Variants in NOSTRIN observed in about 807,000 individuals in gnomAD.
The protein encoded by NOSTRIN is BM247 homolog.
NOSTRIN carries 63 observed loss-of-function variants against 59.0 expected under a neutral mutation model. The ratio of observed to expected loss-of-function variants is 1.07; its 90% CI spans 0.87 to 1.32. NOSTRIN has a LOEUF of 1.32. Among genes scored for constraint, NOSTRIN ranks in the 40% most tolerant of loss-of-function variants. The pLI is 0.00. For missense variants in NOSTRIN, 512 were observed against 473.1 expected, an observed-to-expected ratio of 1.08 and a Z score of -0.76; for synonymous variants, 200 against 165.4, an observed-to-expected ratio of 1.21 and a Z score of -1.61.
At chr2:168,824,606 T>C (rs201961674) in intron 2 of NOSTRIN, 28 bp from the exon 3 acceptor site, 10 of 869,038 alleles carry the variant, frequency 1.2e-5, no homozygotes, top group Non-Finnish European at 1.8e-5. Context: ...GCCCAGTACA[T>C]CCTATTTAAC....
chr2:168,834,431 A>G, intron 7 of NOSTRIN, 106 bp downstream of exon 7: 4 of 646,524 alleles, frequency 6.2e-6, no homozygotes, highest in Non-Finnish European at 1.1e-5. Flanking sequence ...TCTCTGTGGG[A>G]TTCCTGCAGA....
At chr2:168,806,015 C>T (rs1300833505) in intron 1 of NOSTRIN, among the ~76,000 whole-genome samples, 1 of 152,122 alleles carries the variant, frequency 6.6e-6, no homozygotes, top group Non-Finnish European at 1.5e-5. Flanking sequence ...GTAGACTATG[C>T]TCTTTAATGT....
At chr2:168,801,189 C>T (rs889006352), upstream of NOSTRIN, 4 of 151,594 alleles carry the variant, frequency 2.6e-5, no homozygotes, top group East Asian at 3.9e-4. Flanking sequence ...CCCTCCTCTC[C>T]ACTCTTGTTG....
At chr2:168,859,805 A>G (rs1689332742) in intron 13 of NOSTRIN, among the ~76,000 whole-genome samples, 168 bp downstream of exon 13, 1 of 152,248 alleles carries the variant, frequency 6.6e-6, no homozygotes, top group African/African-American at 2.4e-5. Context: ...CACAATAACA[A>G]GAGCTAGACA....
At chr2:168,832,276 T>C (rs973540149) in intron 6 of NOSTRIN, among the ~76,000 whole-genome samples, 19 of 152,184 alleles carry the variant, frequency 1.2e-4, no homozygotes, top group Admixed American at 1.2e-3. Flanking sequence ...AGAGCATATC[T>C]GTATGAGTTC....
chr2:168,842,514 C>T (rs1370036409), intron 7 of NOSTRIN, among the ~76,000 whole-genome samples: 2 of 152,154 alleles, frequency 1.3e-5, no homozygotes, highest in African/African-American at 2.4e-5. Flanking sequence ...AATAATATCG[C>T]TAGATAGGAC....
At chr2:168,856,582 A>AAG in intron 11 of NOSTRIN, 108 bp from the exon 12 acceptor site, 1 of 966,530 alleles carries the variant, frequency 1.0e-6, no homozygotes, top group East Asian at 2.5e-5. Context: ...CTTAAAAAAA[A>AAG]AAATCTCACT....
chr2:168,851,250 A>T, intron 9 of NOSTRIN, 29 bp from the exon 10 acceptor site: 1 of 1,613,996 alleles, frequency 6.2e-7, no homozygotes, highest in East Asian at 2.2e-5. Flanking sequence ...TTCTTCGACA[A>T]CCTTATTCTG....
chr2:168,810,408 C>T (rs755211949), intron 1 of NOSTRIN, among the ~76,000 whole-genome samples: 1 of 152,180 alleles, frequency 6.6e-6, no homozygotes, highest in Non-Finnish European at 1.5e-5. Context: ...GGTCTTTCCT[C>T]CTCTGTCACC....
chr2:168,808,466 T>A (rs1433329459), intron 1 of NOSTRIN, among the ~76,000 whole-genome samples: 1 of 152,210 alleles, frequency 6.6e-6, no homozygotes, highest in African/African-American at 2.4e-5. Context: ...AGCTTTATAG[T>A]GTGTTTGAGA....
chr2:168,808,174 C>T (rs1685957512), intron 1 of NOSTRIN, among the ~76,000 whole-genome samples: 1 of 152,184 alleles, frequency 6.6e-6, no homozygotes, highest in Non-Finnish European at 1.5e-5. Context: ...AAATTCTCAA[C>T]TGGTTCTACT....
At chr2:168,814,905 C>T (rs567772218) in intron 2 of NOSTRIN, among the ~76,000 whole-genome samples, 24 of 152,278 alleles carry the variant, frequency 1.6e-4, no homozygotes, top group Middle Eastern at 3.4e-3. Context: ...TCTCTATTTT[C>T]ATAAACAAAT....
chr2:168,856,756 A>T lies in NOSTRIN; in HGVS notation c.1031A>T (p.Asp344Val), dbSNP rs750994789. 1.2e-6 allele frequency: 2 copies of T among 1,614,160 alleles called. No homozygotes were observed. The highest frequency in any genetic ancestry group is 1.7e-6 in the Non-Finnish European group (2 of 1,179,982). Residue 344 changes from aspartate (D) to valine (V), a missense_variant, in exon 12 of 16, where the codon GAC (aspartate) becomes GTC (valine). Transcript: ENST00000317647. ...SSFSDAKSQK[D>V]TAALMDENNL... is the part of the protein sequence containing the mutation. ...TTCTCTGATGCAAAGAGCCAGAAAGACACAGCAGCGTTAATGGATGAGGTA... is the reference window on the plus strand; with the variant it reads ...TTCTCTGATGCAAAGAGCCAGAAAGTCACAGCAGCGTTAATGGATGAGGTA...
At chr2:168,840,452 C>A (rs1688010762) in intron 7 of NOSTRIN, among the ~76,000 whole-genome samples, 1 of 146,518 alleles carries the variant, frequency 6.8e-6, no homozygotes, top group African/African-American at 2.5e-5. Flanking sequence ...ATGGCGTGAA[C>A]CCCGGAGGCG....
chr2:168,798,646 C>T (rs762857614), upstream of NOSTRIN, among the ~76,000 whole-genome samples: 7 of 152,200 alleles, frequency 4.6e-5, no homozygotes, highest in African/African-American at 1.2e-4. Flanking sequence ...TAAATCTAAC[C>T]GGAAGCCAGG....
Position 168,790,807 on chromosome 2 carries a change from G to T in NOSTRIN, c.-473+2759G>T, listed in dbSNP as rs138245800. Among the ~76,000 whole-genome samples, 276 of 152,226 alleles carry T rather than the reference G, an allele frequency of 1.8e-3. 1 individual carries two copies. The highest frequency in any genetic ancestry group is 6.5e-3 in the African/African-American group (269 of 41,542). On this transcript the variant is annotated intron_variant, in intron 2 of 20. Transcript: ENST00000458381. ...CCATTTCAATTTCCTGCTTTTGATG[G>T]TTGTATTTTGGTTTTGTTGGAGAAC...
At chr2:168,860,396 C>A (rs148004065) in intron 13 of NOSTRIN, among the ~76,000 whole-genome samples, 1 of 152,286 alleles carries the variant, frequency 6.6e-6, no homozygotes, top group African/African-American at 2.4e-5. Context: ...CCAGTCCAGG[C>A]GCAGTGGCTC....
At chr2:168,861,873 A>T in intron 14 of NOSTRIN, 87 bp from the exon 15 acceptor site, 1 of 1,196,412 alleles carries the variant, frequency 8.4e-7, no homozygotes, top group Non-Finnish European at 1.2e-6. Context: ...GAAACTCTGC[A>T]TCACACTGTT....
At chr2:168,834,488 C>A (rs545548811) in intron 7 of NOSTRIN, among the ~76,000 whole-genome samples, 163 bp downstream of exon 7, 3 of 87,346 alleles carry the variant, frequency 3.4e-5, no homozygotes, top group African/African-American at 5.1e-5. Context: ...TCATTACTGG[C>A]GTGCGCGCGC....
Sources: gnomAD v4.1 joint callset for allele counts (sites outside exome capture counted in the v4.1 genomes callset) on GRCh38, gnomAD v4.1.1 for gene constraint, MANE v1.5 for transcripts, NCBI Gene and HGNC (gene_info 2026-07-23, HGNC 2026-07-21) for gene names.